The following MEI1 variants were observed in gnomAD, a reference collection of about 807,000 sequenced individuals.
The protein encoded by MEI1 is meiotic double-stranded break formation protein 1.
In MEI1, 103 loss-of-function variants were observed where a neutral mutation model predicts 146.2. The observed-to-expected ratio is 0.70, with a 90% CI of 0.60 to 0.83. MEI1 has a LOEUF of 0.83. Ranked by LOEUF, MEI1 falls within the 40% of genes least tolerant of loss-of-function variation. The pLI is 0.00. For synonymous variants in MEI1, 652 were observed against 628.2 expected (o/e 1.04, Z -0.57); for missense variants, 1,529 against 1,533.0 (o/e 1.00, Z 0.04).
At chr22:41,705,467 G>A (rs944328229) in intron 2 of MEI1, 37 bp from the exon 3 acceptor site, 18 of 1,606,740 alleles carry the variant, frequency 1.1e-5, no homozygotes, top group East Asian at 2.2e-5. Flanking sequence ...ACCGCGCCCT[G>A]CCTAACCACC....
chr22:41,746,417 G>T (rs2073292094), intron 14 of MEI1, among the ~76,000 whole-genome samples: 1 of 152,156 alleles, frequency 6.6e-6, no homozygotes, highest in Admixed American at 6.6e-5. Flanking sequence ...TGCTGAGATT[G>T]AACCTATGAC....
At chr22:41,722,856 T>C (rs1342486010) in intron 6 of MEI1, among the ~76,000 whole-genome samples, 1 of 152,226 alleles carries the variant, frequency 6.6e-6, no homozygotes, top group African/African-American at 2.4e-5. Context: ...TGTTAAAGTA[T>C]GTATTATTTG....
chr22:41,755,410 C>G (rs1260309568), intron 17 of MEI1, among the ~76,000 whole-genome samples: 3 of 152,150 alleles, frequency 2.0e-5, no homozygotes, highest in African/African-American at 7.2e-5. Context: ...TTGCTTCCAA[C>G]ATAGCTTGGC....
Position 41,713,303 on chromosome 22 carries a change from C to CA in MEI1, c.350-692dup, listed in dbSNP as rs1035484215. On this transcript the variant is annotated intron_variant, in intron 3 of 30. Coordinates refer to ENST00000401548, the MANE Select transcript of MEI1 (RefSeq NM_152513.4). ...CTGGGCAGTACAGACCCTGTCCCTA[C>CA]AAAAAAATTAAAAAATTAGCCAGGC... Among the ~76,000 whole-genome samples, 11 of 152,030 alleles carry CA rather than the reference C, an allele frequency of 7.2e-5. No individual in the cohort carries two copies. In the South Asian group the frequency reaches 1.0e-3, roughly 14 times the overall value.
At chr22:41,743,473 G>A (rs919193261) in intron 12 of MEI1, among the ~76,000 whole-genome samples, 36 of 152,126 alleles carry the variant, frequency 2.4e-4, no homozygotes, top group Admixed American at 2.2e-3. Context: ...TAAATTCCAG[G>A]GTGTTTTTAC....
Position 41,763,289 on chromosome 22 carries a change from A to G in MEI1, c.2236A>G (p.Ile746Val), listed in dbSNP as rs866199594. 1.8e-5 allele frequency: 29 copies of G among 1,613,788 alleles called. No homozygotes were observed. The highest frequency in any genetic ancestry group is 6.7e-5 in the East Asian group (3 of 44,880). ...CAAAGCCTCCATCTATCTGCTTGCA[A>G]TCTGCCAGGACAAAGACAATACACT... is the stretch of plus-strand genomic sequence containing the variant. The part of the protein sequence containing the change: ...VFKASIYLLA[I>V]CQDKDNTLRE... The change falls in exon 19 of 31, where the codon ATC (isoleucine) becomes GTC (valine). Residue 746 changes from isoleucine to valine, a missense_variant. Ile to Val is a conservative substitution (Grantham distance 29). This residue lies in a region of MEI1 where 1,212 missense variants were observed against 1,178.9 expected (regional missense o/e 1.03). Transcript: ENST00000401548.
At chr22:41,760,325 A>T (rs985358639) in intron 18 of MEI1, among the ~76,000 whole-genome samples, 52 of 151,382 alleles carry the variant, frequency 3.4e-4, no homozygotes, top group African/African-American at 1.2e-3. Flanking sequence ...AAAATAAAAA[A>T]AAGAATAAAA....
chr22:41,755,912 T>A (rs2074063257), intron 17 of MEI1, among the ~76,000 whole-genome samples: 1 of 152,062 alleles, frequency 6.6e-6, no homozygotes, highest in African/African-American at 2.4e-5. Flanking sequence ...CCTGGCAGGA[T>A]GGATTCTTTC....
In MEI1 at chr22:41,781,744, C is replaced by A. The variant is rs1161921983; in HGVS notation, c.2986C>A (p.Leu996Ile). The change falls in exon 24 of 31, where the codon CTC (leucine) becomes ATC (isoleucine). Residue 996 changes from leucine (L) to isoleucine (I), a missense_variant. By Grantham distance (5) the Leu-to-Ile change is conservative. Transcript: ENST00000401548. The stretch of plus-strand genomic sequence containing the variant: ...GGAGCTTCTGGAGAAGATGCTGGCC[C>A]TCACCTTGGCAAAGGCAGATTCTCC... ...LMELLEKMLA[L>I]TLAKADSPRT... 1 of 1,613,958 alleles carries A rather than the reference C, an allele frequency of 6.2e-7. No individual in the cohort carries two copies. The highest frequency in any genetic ancestry group is 1.7e-5 in the Admixed American group (1 of 60,026).
Position 41,705,506 on chromosome 22 carries a change from C to CTAT in MEI1, c.305_307dup (p.Leu102dup), listed in dbSNP as rs749008133. 2 of 1,613,378 alleles carry CTAT rather than the reference C, an allele frequency of 1.2e-6. No individual in the cohort carries two copies. The highest frequency in any genetic ancestry group is 1.7e-6 in the Non-Finnish European group (2 of 1,179,588). ...TTCTTACCTCCCTCTGCTCCAAGGACTATTATGCAGCATGGAAGATGGGAG... is the reference window on the plus strand; with the variant it reads ...TTCTTACCTCCCTCTGCTCCAAGGACTATTATTATGCAGCATGGAAGATGGGAG... On this transcript the variant is annotated inframe_insertion, in exon 3 of 31. Transcript: ENST00000401548.
intron 6 of MEI1, among the ~76,000 whole-genome samples, chr22:41,722,751 A>C (rs2070980164): frequency 6.6e-6 from 1 of 152,164 alleles, no homozygotes; most frequent in Non-Finnish European, 1.5e-5. Flanking sequence ...AGGCTAGATT[A>C]GATGATTCAT....
intron 15 of MEI1, among the ~76,000 whole-genome samples, chr22:41,751,829 T>A (rs1230451998): frequency 6.6e-6 from 1 of 151,116 alleles, no homozygotes; most frequent in Non-Finnish European, 1.5e-5. Flanking sequence ...CCCAGCACTT[T>A]GGGAGGCCGA....
In MEI1 at chr22:41,781,770, CA is replaced by C; in HGVS notation, c.3013del (p.Arg1005GlyfsTer38). ...ALTLAKADSP[R>X]TALLCSAWLL... The stretch of plus-strand genomic sequence containing the variant: ...TCACCTTGGCAAAGGCAGATTCTCC[CA>C]GGACTGCACTCCTCTGCTCTGCCTG... On this transcript the variant is annotated frameshift_variant, in exon 24 of 31. Coordinates refer to ENST00000401548, the MANE Select transcript of MEI1 (RefSeq NM_152513.4). LOFTEE classifies it high-confidence loss of function. 1 of 1,613,964 alleles carries C rather than the reference CA, an allele frequency of 6.2e-7. No individual in the cohort carries two copies. Among genetic ancestry groups the C allele is most frequent in the Non-Finnish European group, 8.5e-7 (1 of 1,179,884 alleles).
In MEI1 at chr22:41,699,695, CCGGACCCCGG is replaced by C; in HGVS notation, c.160_169del (p.Asp54CysfsTer3). 1.9e-6 allele frequency: 3 copies of C among 1,582,470 alleles called. No individual in the cohort carries two copies. Among genetic ancestry groups the C allele is most frequent in the Non-Finnish European group, 2.6e-6 (3 of 1,165,266 alleles). ...CCTGGCCTGCGCGCTGGAGCTGCTG[CCGGACCCCGG>C]CGTGTCGGTGCGGGCGGAACCTTTT... On this transcript the variant is annotated frameshift_variant, in exon 1 of 31. Transcript: ENST00000401548. LOFTEE classifies it high-confidence loss of function.
intron 6 of MEI1, among the ~76,000 whole-genome samples, chr22:41,720,570 A>G (rs2070677635): frequency 6.7e-6 from 1 of 149,122 alleles, no homozygotes; most frequent in Non-Finnish European, 1.5e-5. Flanking sequence ...AGCTGGGACC[A>G]CAGCCTGCAC....
At chr22:41,723,746 C>A (rs2071074018) in intron 6 of MEI1, among the ~76,000 whole-genome samples, 197 bp from the exon 7 acceptor site, 1 of 152,160 alleles carries the variant, frequency 6.6e-6, no homozygotes, top group Non-Finnish European at 1.5e-5. Flanking sequence ...TTAGGCCTAG[C>A]ACTTAGTGGG....
intron 17 of MEI1, among the ~76,000 whole-genome samples, chr22:41,755,411 A>T (rs763310884): frequency 6.6e-6 from 1 of 152,134 alleles, no homozygotes; most frequent in Non-Finnish European, 1.5e-5. Flanking sequence ...TGCTTCCAAC[A>T]TAGCTTGGCT....
intron 3 of MEI1, among the ~76,000 whole-genome samples, chr22:41,713,642 G>A (rs1321269305): frequency 2.6e-5 from 4 of 152,138 alleles, no homozygotes; most frequent in African/African-American, 9.7e-5. Flanking sequence ...TCCGCCTGCC[G>A]GGTTCAAGCA....
chr22:41,704,883 T>C (rs535013462), intron 2 of MEI1, among the ~76,000 whole-genome samples: 1 of 152,012 alleles, frequency 6.6e-6, no homozygotes, highest in South Asian at 2.1e-4. Context: ...CCTGGCTAAT[T>C]TTTTGAATTT....
Sources: gnomAD v4.1 joint callset for allele counts (sites outside exome capture counted in the v4.1 genomes callset) on GRCh38, gnomAD v4.1.1 for gene constraint, gnomAD v4.1.1 regional missense constraint, MANE v1.5 for transcripts, NCBI Gene and HGNC (gene_info 2026-07-23, HGNC 2026-07-21) for gene names.